Variants in AK8 observed in about 807,000 individuals in gnomAD.
The protein encoded by AK8 is ATP-AMP transphosphorylase 8.
In AK8, 44 loss-of-function variants were observed where a neutral mutation model predicts 54.6. The observed-to-expected ratio is 0.81, with a 90% CI of 0.63 to 1.04. The LOEUF (loss-of-function observed/expected upper bound fraction) is 1.04, where lower values mean the gene tolerates loss of function less well. AK8 is among the 50% of genes least tolerant of loss of function. The pLI, the probability that AK8 is intolerant of heterozygous loss-of-function variation, is 0.00. For synonymous variants in AK8, 239 were observed against 245.6 expected, an observed-to-expected ratio of 0.97 and a Z score of 0.25; for missense variants, 555 against 613.6, an observed-to-expected ratio of 0.90 and a Z score of 1.01.
chr9:132,814,932 G>C (rs1167991090), intron 9 of AK8, among the ~76,000 whole-genome samples: 3 of 152,170 alleles, frequency 2.0e-5, no homozygotes, highest in Admixed American at 2.0e-4. Flanking sequence ...GAGAGAGGTG[G>C]AATGAAAAGG....
chr9:132,850,242 C>CA (rs1842921034), intron 5 of AK8, among the ~76,000 whole-genome samples: 1 of 127,694 alleles, frequency 7.8e-6, no homozygotes, highest in Non-Finnish European at 1.7e-5. Flanking sequence ...TTTTTTGAGA[C>CA]AGAGTCTTGC....
chr9:132,878,477 G>A, upstream of AK8: 1 of 1,215,506 alleles, frequency 8.2e-7, no homozygotes, highest in East Asian at 3.3e-5. The surrounding 1 kb of genome is among the most constrained non-coding windows in gnomAD (Gnocchi z 4.7). Flanking sequence ...TTTCCCATTT[G>A]CGCATCTTAG....
At chr9:132,855,228 G>A (rs1336355787) in intron 4 of AK8, among the ~76,000 whole-genome samples, 1 of 152,142 alleles carries the variant, frequency 6.6e-6, no homozygotes, top group Non-Finnish European at 1.5e-5. Flanking sequence ...GTGCCAGCCT[G>A]CAGGAAGCCC....
At chr9:132,846,554 T>C (rs904891094) in intron 5 of AK8, among the ~76,000 whole-genome samples, 7 of 151,748 alleles carry the variant, frequency 4.6e-5, no homozygotes, top group African/African-American at 1.7e-4. Flanking sequence ...AATGAATGAG[T>C]ACTTTTAGGA....
intron 11 of AK8, among the ~76,000 whole-genome samples, chr9:132,786,613 G>T (rs768709194): frequency 2.0e-5 from 3 of 152,254 alleles, no homozygotes; most frequent in South Asian, 4.1e-4. Context: ...TGCACAAATG[G>T]CCCAATTTTA....
chr9:132,740,857 C>T (rs954993929), intron 11 of AK8, among the ~76,000 whole-genome samples: 3 of 152,188 alleles, frequency 2.0e-5, no homozygotes, highest in Non-Finnish European at 2.9e-5. Context: ...TTGGCTCCTT[C>T]GCTGATGGAT....
At chr9:132,751,534 G>A (rs1342090936) in intron 11 of AK8, among the ~76,000 whole-genome samples, 2 of 145,630 alleles carry the variant, frequency 1.4e-5, no homozygotes, top group Admixed American at 6.9e-5. Flanking sequence ...GACAGAGTGA[G>A]ACTCCAAAAA....
At chr9:132,812,238 T>C (rs1325011080) in intron 10 of AK8, among the ~76,000 whole-genome samples, 1 of 143,172 alleles carries the variant, frequency 7.0e-6, no homozygotes, top group East Asian at 2.0e-4. Flanking sequence ...CTTTTTTTTT[T>C]TTTTTTTTTT....
chr9:132,760,519 A>C (rs1196175596), intron 11 of AK8, among the ~76,000 whole-genome samples: 1 of 152,212 alleles, frequency 6.6e-6, no homozygotes, highest in African/African-American at 2.4e-5. Context: ...AATGTAGATA[A>C]TCATAACACC....
intron 5 of AK8, among the ~76,000 whole-genome samples, chr9:132,842,654 T>C (rs1411819777): frequency 6.6e-6 from 1 of 151,924 alleles, no homozygotes; most frequent in East Asian, 1.9e-4. Flanking sequence ...ATACAGTTAT[T>C]ATCACATGGT....
chr9:132,776,493 T>C (rs932886), intron 11 of AK8, among the ~76,000 whole-genome samples: 125,411 of 152,188 alleles, frequency 0.82, 51,747 homozygotes, highest in East Asian at 0.88. Context: ...AGAAGGGTGG[T>C]GGTGACCAAG....
At position 132,751,159 on chromosome 9, in the gene AK8, C is replaced by T. The variant is rs112989952; in HGVS notation, c.1122-23625G>A. On this transcript the variant is annotated intron_variant, in intron 11 of 12. Coordinates refer to ENST00000298545, the MANE Select transcript of AK8 (RefSeq NM_152572.3). ...AGCACTTTGAGAGGCCAAGGCAGGC[C>T]GATCATTTGAGGTCAGGAGTTCAAG... 5.9e-5 allele frequency among the ~76,000 whole-genome samples: 9 copies of T among 151,492 alleles called. No individual in the cohort carries two copies. The East Asian group carries it at 7.8e-4, about 13-fold the overall frequency.
chr9:132,764,431 A>T (rs560248952), intron 11 of AK8, among the ~76,000 whole-genome samples: 1 of 152,352 alleles, frequency 6.6e-6, no homozygotes, highest in South Asian at 2.1e-4. Context: ...TAGCTTGATT[A>T]ACAAGAAAAA....
chr9:132,841,007 G>A (rs539510929), intron 5 of AK8, among the ~76,000 whole-genome samples: 3 of 152,330 alleles, frequency 2.0e-5, no homozygotes, highest in African/African-American at 7.2e-5. Flanking sequence ...CATCCAGCAT[G>A]TAAAAAGCAT....
At chr9:132,795,983 C>T (rs1362925733) in intron 10 of AK8, among the ~76,000 whole-genome samples, 5 of 152,184 alleles carry the variant, frequency 3.3e-5, no homozygotes, top group Admixed American at 6.5e-5. Context: ...TCAAGTATGG[C>T]TTGGAAACCC....
intron 11 of AK8, among the ~76,000 whole-genome samples, chr9:132,761,263 T>C (rs1838453512): frequency 7.3e-6 from 1 of 136,406 alleles, no homozygotes; most frequent in Admixed American, 7.5e-5. Context: ...TCTTTTCTTT[T>C]CTTTTCTTTT....
chr9:132,862,127 C>T (rs1843412037), intron 4 of AK8, among the ~76,000 whole-genome samples: 1 of 152,144 alleles, frequency 6.6e-6, no homozygotes, highest in Non-Finnish European at 1.5e-5. Flanking sequence ...CTTTCTAAAA[C>T]CATATTCCCA....
At chr9:132,726,757 T>C (rs1836594514) in intron 12 of AK8, among the ~76,000 whole-genome samples, 1 of 152,038 alleles carries the variant, frequency 6.6e-6, no homozygotes, top group African/African-American at 2.4e-5. Context: ...CCGTTCACTG[T>C]TGGGAGAGAC....
intron 11 of AK8, among the ~76,000 whole-genome samples, chr9:132,751,792 G>A (rs376416613): frequency 1.6e-4 from 24 of 151,832 alleles, no homozygotes; most frequent in East Asian, 1.3e-3. Context: ...AAAGGGCTGT[G>A]ATATAATGTG....
Sources: allele counts gnomAD v4.1 joint callset (sites outside exome capture counted in the v4.1 genomes callset), GRCh38; gene constraint gnomAD v4.1.1; non-coding constraint Gnocchi (gnomAD v3.1); transcripts MANE v1.5; gene names NCBI Gene and HGNC (gene_info 2026-07-23, HGNC 2026-07-21).